Variants in CLCN5 observed in about 807,000 individuals in gnomAD.
CLCN5 encodes Cl-/H+ antiporter 5.
In CLCN5, 17 loss-of-function variants were observed where a neutral mutation model predicts 54.0. That is an observed-to-expected ratio of 0.31 (90% CI 0.22 to 0.47). The LOEUF (loss-of-function observed/expected upper bound fraction) is 0.47. Among genes scored for constraint, CLCN5 ranks in the 20% least tolerant of loss-of-function variants. The pLI, the probability that CLCN5 is intolerant of heterozygous loss-of-function variation, is 1.00. For synonymous variants in CLCN5, 222 were observed against 233.0 expected (o/e 0.95, Z 0.43); for missense variants, 448 against 646.7 (o/e 0.69, Z 3.33).
At chrX:49,950,242 T>A (rs1926973894) in intron 3 of CLCN5, among the ~76,000 whole-genome samples, 1 of 111,812 alleles carries the variant, frequency 8.9e-6, no homozygotes, top group African/African-American at 3.3e-5. Flanking sequence ...AAAATATGAT[T>A]TTCCATTGCT....
At chrX:50,017,691 T>G (rs1930857280) in intron 3 of CLCN5, among the ~76,000 whole-genome samples, 2 of 111,639 alleles carry the variant, frequency 1.8e-5, no homozygotes, top group Admixed American at 1.9e-4. Context: ...TCATTTTTTT[T>G]TTTGCATGTT....
chrX:50,045,802 ACTTT>A lies in CLCN5; in HGVS notation c.163+3344_163+3347del, dbSNP rs782080862. Among the ~76,000 whole-genome samples the A allele has an allele frequency of 1.3e-4, 15 of 112,240 alleles. 1 individual carries two copies. In the South Asian group the frequency reaches 5.6e-3, roughly 42 times the overall value. On this transcript the variant is annotated intron_variant, in intron 4 of 14. Transcript: ENST00000376091. ...TTATAGCCCACTCTGTAGTGATATA[ACTTT>A]CTTGCTTTGCTTTCTAATTGCTCTT...
chrX:49,973,576 A>G (rs1557176566), intron 3 of CLCN5, among the ~76,000 whole-genome samples: 1 of 106,799 alleles, frequency 9.4e-6, no homozygotes, highest in Non-Finnish European at 1.9e-5. Context: ...TAATTCACGT[A>G]TTATACAACC....
intron 3 of CLCN5, among the ~76,000 whole-genome samples, chrX:49,932,076 T>A (rs1451971562): frequency 9.0e-6 from 1 of 111,192 alleles, no homozygotes; most frequent in East Asian, 2.8e-4. Context: ...CCACTATACT[T>A]GGCTAATTTT....
At chrX:49,933,820 C>T (rs1046108868) in intron 3 of CLCN5, among the ~76,000 whole-genome samples, 14 of 111,789 alleles carry the variant, frequency 1.3e-4, no homozygotes, top group African/African-American at 4.6e-4. Context: ...GAGAGTCAGT[C>T]ATCAGAATGC....
chrX:49,948,827 GT>G (rs1557172594), intron 3 of CLCN5, among the ~76,000 whole-genome samples: 1 of 111,972 alleles, frequency 8.9e-6, no homozygotes, highest in African/African-American at 3.3e-5. Context: ...TATATCATGG[GT>G]TGTAAAATAT....
intron 3 of CLCN5, among the ~76,000 whole-genome samples, chrX:50,021,102 T>C (rs1189767570): frequency 1.2e-5 from 1 of 80,063 alleles, no homozygotes; most frequent in Non-Finnish European, 2.1e-5. Flanking sequence ...TGATTCTTCC[T>C]ACCCATGAGC....
At chrX:49,928,171 CAAAG>C (rs369986945) in intron 3 of CLCN5, among the ~76,000 whole-genome samples, 16 of 112,169 alleles carry the variant, frequency 1.4e-4, no homozygotes, top group African/African-American at 4.9e-4. Context: ...GTTTCTAACA[CAAAG>C]AAAAGATAAA....
intron 3 of CLCN5, chrX:50,009,072 C>A: frequency 3.1e-6 from 1 of 319,518 alleles, no homozygotes; most frequent in Non-Finnish European, 6.3e-6. Flanking sequence ...ACAACCTGTC[C>A]CCTTCTTTCA....
intron 3 of CLCN5, among the ~76,000 whole-genome samples, chrX:50,018,492 T>C (rs1241820060): frequency 8.9e-6 from 1 of 112,125 alleles, no homozygotes; most frequent in African/African-American, 3.2e-5. Context: ...TCTTTCAGTA[T>C]GATGTTGAAA....
At chrX:50,080,854 G>C in intron 8 of CLCN5, 138 bp downstream of exon 8, 1 of 541,575 alleles carries the variant, frequency 1.8e-6, no homozygotes, top group South Asian at 2.8e-5. Flanking sequence ...CTAAGACCTA[G>C]GTCTTTCCAC....
chrX:50,029,088 T>A (rs1250615680), intron 3 of CLCN5, among the ~76,000 whole-genome samples: 1 of 112,349 alleles, frequency 8.9e-6, no homozygotes, highest in Admixed American at 9.4e-5. Context: ...GAGTATTTCC[T>A]TATATTTGTG....
chrX:50,092,166 A>G lies in CLCN5; in HGVS notation c.2398A>G (p.Lys800Glu). The change falls in exon 15 of 15, where the codon AAG becomes GAG. Residue 800 changes from lysine (K) to glutamate (E), a missense_variant. Lys to Glu is a moderately conservative substitution (Grantham distance 56). Coordinates refer to ENST00000376091, the MANE Select transcript of CLCN5 (RefSeq NM_001127898.4). ...AATCATTACCAAAAAGGATGTGTTA[A>G]AGCATATAGCACAGATGGCGAACCA... ...LGIITKKDVLKHIAQMANQDP... is the reference protein window; with the variant it reads ...LGIITKKDVLEHIAQMANQDP... 8.3e-7 allele frequency: 1 copy of G among 1,206,725 alleles called. No homozygotes were observed. Among genetic ancestry groups the G allele is most frequent in the Non-Finnish European group, 1.1e-6 (1 of 890,722 alleles).
At chrX:49,975,656 A>G (rs1420118508) in intron 3 of CLCN5, among the ~76,000 whole-genome samples, 3 of 111,204 alleles carry the variant, frequency 2.7e-5, no homozygotes, top group African/African-American at 3.3e-5. Flanking sequence ...CCATGTCCCC[A>G]TAGTCTCTTG....
At chrX:49,937,428 C>T (rs1035431528) in intron 3 of CLCN5, among the ~76,000 whole-genome samples, 1 of 111,226 alleles carries the variant, frequency 9.0e-6, no homozygotes, top group Non-Finnish European at 1.9e-5. Flanking sequence ...ATTATTTCCT[C>T]GACAATTTAT....
intron 3 of CLCN5, among the ~76,000 whole-genome samples, chrX:49,988,347 C>A (rs1328610877): frequency 9.0e-6 from 1 of 111,623 alleles, no homozygotes; most frequent in African/African-American, 3.3e-5. Context: ...TCCAATCAAA[C>A]GCAAGAAACT....
In CLCN5 at chrX:49,956,596, G is replaced by A. The variant is rs78169422; in HGVS notation, c.16+31282G>A. Among the ~76,000 whole-genome samples the A allele has an allele frequency of 1.5e-3, 169 of 111,900 alleles. 4 individuals are homozygous for A. In the East Asian group the frequency reaches 0.042, roughly 28 times the overall value. ...TCTCTAACCACTGTGGCTGCACAGA[G>A]GAAAGTATAACCCTTTCCCCACTTG... On this transcript the variant is annotated intron_variant, in intron 3 of 14. Transcript: ENST00000376091.
At chrX:49,978,860 A>G (rs1364661603) in intron 3 of CLCN5, among the ~76,000 whole-genome samples, 3 of 111,729 alleles carry the variant, frequency 2.7e-5, no homozygotes, top group Admixed American at 9.5e-5. Flanking sequence ...TGTGGAAGAT[A>G]AAGTTAGGAA....
chrX:50,001,893 T>A (rs1203560736), intron 3 of CLCN5, among the ~76,000 whole-genome samples: 1 of 110,396 alleles, frequency 9.1e-6, no homozygotes, highest in Non-Finnish European at 1.9e-5. Context: ...TTTCCCAATT[T>A]ACTGGGCAAT....
Sources: allele counts gnomAD v4.1 joint callset (sites outside exome capture counted in the v4.1 genomes callset), GRCh38; gene constraint gnomAD v4.1.1; transcripts MANE v1.5; gene names NCBI Gene and HGNC (gene_info 2026-07-23, HGNC 2026-07-21).